RELN: variants seen among roughly 807,000 people sequenced by gnomAD.
RELN encodes reelin.
Under a neutral mutation model 427.6 loss-of-function variants are expected in RELN, and 108 were observed. The observed-to-expected ratio is 0.25, with a 90% CI of 0.22 to 0.30. RELN has a LOEUF of 0.30. Among genes scored for constraint, RELN ranks in the 10% least tolerant of loss-of-function variants. The pLI, the probability that RELN is intolerant of heterozygous loss-of-function variation, is 1.00. For missense variants in RELN, 3,715 were observed against 4,302.8 expected (o/e 0.86, Z 3.82); for synonymous variants, 1,524 against 1,513.4 (o/e 1.01, Z -0.16).
chr7:103,807,583 T>C (rs1563025017), intron 3 of RELN, among the ~76,000 whole-genome samples: 1 of 152,142 alleles, frequency 6.6e-6, no homozygotes, highest in Non-Finnish European at 1.5e-5. Flanking sequence ...ATAGTCCCGA[T>C]AGGTAGCCTG....
rs149567032 is a variant in RELN at position 103,503,249 on chromosome 7, A to G, written c.8275-19T>C. The G allele has an allele frequency of 2.4e-4, 393 of 1,607,024 alleles. 1 individual carries two copies. In the African/African-American group the frequency reaches 4.9e-3, roughly 20 times the overall value. On this transcript the variant is annotated intron_variant, in intron 51 of 64. Transcript: ENST00000428762. ...CTGAGATCTAATAAACAGAAAAACA[A>G]GATCAAGGTATTAAAACTATATGAT... is the stretch of plus-strand genomic sequence containing the variant.
intron 3 of RELN, among the ~76,000 whole-genome samples, chr7:103,800,487 C>T (rs557511472): frequency 3.9e-5 from 6 of 152,142 alleles, no homozygotes; most frequent in Non-Finnish European, 8.8e-5. Flanking sequence ...GGAAAGGATT[C>T]CCTATTTAAT....
At chr7:103,857,775 G>T (rs538104077) in intron 2 of RELN, among the ~76,000 whole-genome samples, 1 of 152,254 alleles carries the variant, frequency 6.6e-6, no homozygotes, top group South Asian at 2.1e-4. Context: ...AAATCCAGTC[G>T]TGGTAAACAG....
intron 6 of RELN, among the ~76,000 whole-genome samples, chr7:103,741,199 C>A (rs187619718): frequency 6.6e-6 from 1 of 152,088 alleles, no homozygotes; most frequent in Non-Finnish European, 1.5e-5. Context: ...CAAACTGGGG[C>A]TTTGTTAGTT....
rs1209079202 is a variant in RELN at position 103,831,907 on chromosome 7, C to T, written c.473+1630G>A. Among the ~76,000 whole-genome samples, 4 of 152,062 alleles carry T rather than the reference C, an allele frequency of 2.6e-5. No individual in the cohort carries two copies. The South Asian group carries it at 8.3e-4, about 32-fold the overall frequency. On this transcript the variant is annotated intron_variant, in intron 3 of 64. Transcript: ENST00000428762. ...TAGGATATACTGAAGGAAAAACGGG[C>T]GAGAGGTGAGCTGACAGACAAGTTA...
chr7:103,487,225 G>A lies in RELN; in HGVS notation c.9764-809C>T, dbSNP rs11769153. 3.1e-3 allele frequency among the ~76,000 whole-genome samples: 469 copies of A among 152,124 alleles called. 1 individual carries two copies. The highest frequency in any genetic ancestry group is 4.9e-3 in the Non-Finnish European group (330 of 68,014). On this transcript the variant is annotated intron_variant, in intron 60 of 64. Coordinates refer to ENST00000428762, the MANE Select transcript of RELN (RefSeq NM_005045.4). ...TGAACAATTAGAACAGATGGACACA[G>A]GCAGGGGAACATCACACACTGGGGC...
chr7:103,919,689 CCTCTAATTTCACTTGACT>C (rs1795570330), intron 1 of RELN, among the ~76,000 whole-genome samples: 1 of 152,152 alleles, frequency 6.6e-6, no homozygotes, highest in Non-Finnish European at 1.5e-5. Flanking sequence ...GACTTTCTTT[CCTCTAATTTCACTTGACT>C]CACTTTTCAA....
chr7:103,690,942 A>T (rs920556981), intron 10 of RELN, among the ~76,000 whole-genome samples: 1 of 152,168 alleles, frequency 6.6e-6, no homozygotes, highest in South Asian at 2.1e-4. Context: ...AAGGCCACGG[A>T]CTTGGAAAAA....
At chr7:103,685,232 G>T (rs140428431) in intron 10 of RELN, among the ~76,000 whole-genome samples, 4 of 152,126 alleles carry the variant, frequency 2.6e-5, no homozygotes, top group African/African-American at 9.6e-5. Context: ...TAAAAAATTG[G>T]TCTCGATTTT....
intron 10 of RELN, among the ~76,000 whole-genome samples, chr7:103,684,219 T>C (rs574035700): frequency 3.4e-4 from 52 of 152,284 alleles, no homozygotes; most frequent in African/African-American, 1.1e-3. Context: ...ATTAGGGTTC[T>C]CATTCTGAGA....
At position 103,565,352 on chromosome 7, in the gene RELN, C is replaced by T. The variant is rs147933593; in HGVS notation, c.5136G>A (p.Thr1712=). 3.5e-4 allele frequency: 569 copies of T among 1,614,002 alleles called. 1 individual carries two copies. The highest frequency in any genetic ancestry group is 6.7e-4 in the South Asian group (61 of 91,080). The change falls in exon 34 of 65, where the codon ACG becomes ACA. Residue 1712 remains threonine, a synonymous_variant. Transcript: ENST00000428762. ...VPPTIGCLHY[T]ESSIYTSERF... The stretch of plus-strand genomic sequence containing the variant: ...TTTCCGAGGTGTAAATTGAACTTTC[C>T]GTGTAATGCAGACAGCCAATGGTTG...
intron 3 of RELN, among the ~76,000 whole-genome samples, chr7:103,829,930 A>G (rs1793235266): frequency 6.6e-6 from 1 of 152,080 alleles, no homozygotes; most frequent in Non-Finnish European, 1.5e-5. Context: ...TATTAAAATG[A>G]GATTACAGAA....
intron 1 of RELN, among the ~76,000 whole-genome samples, chr7:103,937,558 T>C (rs1405563951): frequency 6.6e-6 from 1 of 152,256 alleles, no homozygotes; most frequent in African/African-American, 2.4e-5. Context: ...ATGTATGTCT[T>C]TATTTTATGA....
At position 103,646,586 on chromosome 7, in the gene RELN, C is replaced by T. The variant is rs543874652; in HGVS notation, c.2002+3688G>A. 8.6e-5 allele frequency among the ~76,000 whole-genome samples: 13 copies of T among 151,682 alleles called. No individual in the cohort carries two copies. The South Asian group carries it at 1.7e-3, about 19-fold the overall frequency. On this transcript the variant is annotated intron_variant, in intron 16 of 64. Transcript: ENST00000428762. ...ATTGAAGCAGGAAGAAATAGAAATCCGGAAAAGAAAAATAACAAGTAGTGA... is the reference window on the plus strand; with the variant it reads ...ATTGAAGCAGGAAGAAATAGAAATCTGGAAAAGAAAAATAACAAGTAGTGA...
chr7:103,961,412 A>G (rs1796551126), intron 1 of RELN, among the ~76,000 whole-genome samples: 1 of 152,162 alleles, frequency 6.6e-6, no homozygotes, highest in Non-Finnish European at 1.5e-5. Flanking sequence ...CCCTTTTGGA[A>G]TCATTTATAT....
chr7:103,714,207 C>T (rs1026108639), intron 8 of RELN, among the ~76,000 whole-genome samples: 4 of 152,102 alleles, frequency 2.6e-5, no homozygotes, highest in Non-Finnish European at 5.9e-5. Flanking sequence ...ACATGACTAC[C>T]TATATAAATT....
At chr7:103,558,572 G>A (rs1346380320) in intron 36 of RELN, among the ~76,000 whole-genome samples, 3 of 152,282 alleles carry the variant, frequency 2.0e-5, no homozygotes, top group African/African-American at 4.8e-5. Flanking sequence ...GTTAAATAAG[G>A]CATAACTAAG....
rs2116860890 is a variant in RELN, at chr7:103,989,366, G to GCCGCCA, written c.-11_-10insTGGCGG. The stretch of plus-strand genomic sequence containing the variant: ...AGCCACTGCGCTCCATGCCGCCGCC[G>GCCGCCA]CCGCCGCCGCCGCCGCGCGCCCTAC... On this transcript the variant is annotated 5_prime_UTR_variant, in exon 1 of 65. Coordinates refer to ENST00000428762, the MANE Select transcript of RELN (RefSeq NM_005045.4). The surrounding 1 kb of genome is among the most constrained non-coding windows in gnomAD (Gnocchi z 4.9). 2 of 1,416,832 alleles carry GCCGCCA rather than the reference G, an allele frequency of 1.4e-6. No homozygotes were observed. Among genetic ancestry groups the GCCGCCA allele is most frequent in the Non-Finnish European group, 1.8e-6 (2 of 1,085,976 alleles). The allele number at this position is 1,416,832 out of a possible 1,614,324, so 87.8% of individuals were successfully genotyped here.
chr7:103,892,135 G>C (rs1414014242), intron 2 of RELN, among the ~76,000 whole-genome samples: 5 of 152,188 alleles, frequency 3.3e-5, no homozygotes, highest in African/African-American at 1.2e-4. Context: ...AGCCAAGACA[G>C]TTAAGAAGAA....
Sources: allele counts gnomAD v4.1 joint callset (sites outside exome capture counted in the v4.1 genomes callset), GRCh38; gene constraint gnomAD v4.1.1; non-coding constraint Gnocchi (gnomAD v3.1); transcripts MANE v1.5; gene names NCBI Gene and HGNC (gene_info 2026-07-23, HGNC 2026-07-21).